GLIS1: variants seen among roughly 807,000 people sequenced by gnomAD.
GLIS1 encodes GLIS family zinc finger 1, also known as zinc finger protein GLIS1.
A neutral mutation model predicts 63.8 loss-of-function variants in GLIS1; 24 were observed. The ratio of observed to expected loss-of-function variants is 0.38; its 90% CI spans 0.27 to 0.53. The LOEUF (loss-of-function observed/expected upper bound fraction) is 0.53. Among genes scored for constraint, GLIS1 ranks in the 20% least tolerant of loss-of-function variants. The pLI, the probability that GLIS1 is intolerant of heterozygous loss-of-function variation, is 0.85. For synonymous variants in GLIS1, 450 were observed against 482.5 expected (o/e 0.93, Z 0.88); for missense variants, 1,036 against 1,074.1 (o/e 0.96, Z 0.50).
chr1:53,551,052 T>C (rs1384494315), intron 4 of GLIS1, among the ~76,000 whole-genome samples: 1 of 152,062 alleles, frequency 6.6e-6, no homozygotes, highest in Non-Finnish European at 1.5e-5. Context: ...GGTTTCACCA[T>C]GTTAGGCCGG....
At chr1:53,612,301 G>C (rs112532161) in intron 2 of GLIS1, among the ~76,000 whole-genome samples, 19 of 151,556 alleles carry the variant, frequency 1.3e-4, no homozygotes, top group African/African-American at 4.4e-4. Context: ...GTGCAGTGGC[G>C]CGATCTCGGC....
At chr1:53,627,619 T>C (rs556350660) in intron 2 of GLIS1, among the ~76,000 whole-genome samples, 5 of 152,342 alleles carry the variant, frequency 3.3e-5, no homozygotes, top group South Asian at 4.1e-4. Context: ...CCATAAATCA[T>C]GCAGACAGTC....
intron 2 of GLIS1, among the ~76,000 whole-genome samples, chr1:53,637,330 A>G (rs1250000220): frequency 6.6e-6 from 1 of 152,148 alleles, no homozygotes; most frequent in Non-Finnish European, 1.5e-5. Flanking sequence ...TTCATGTCTG[A>G]AGGAGGGTGA....
intron 6 of GLIS1, among the ~76,000 whole-genome samples, chr1:53,523,155 T>C (rs927475879): frequency 3.9e-5 from 6 of 151,922 alleles, no homozygotes; most frequent in African/African-American, 9.7e-5. Flanking sequence ...CCAGGTACAG[T>C]GCCTGAGCCT....
intron 2 of GLIS1, among the ~76,000 whole-genome samples, chr1:53,652,874 C>T (rs1252166667): frequency 6.6e-6 from 1 of 152,198 alleles, no homozygotes; most frequent in East Asian, 1.9e-4. Context: ...GCCATGTGGT[C>T]CTGGGAAAGC....
At position 53,514,575 on chromosome 1, in the gene GLIS1, C is replaced by T. The variant is rs41296167; in HGVS notation, c.1883+50G>A. The T allele has an allele frequency of 1.1e-5, 17 of 1,585,200 alleles. No individual in the cohort carries two copies. The East Asian group carries it at 1.1e-4, about 11-fold the overall frequency. On this transcript the variant is annotated intron_variant, in intron 8 of 10. Coordinates refer to ENST00000628545, the MANE Select transcript of GLIS1 (RefSeq NM_001367484.1). ...GACACCTGCTCTCCCTGCCTCCCCC[C>T]GAGATCCCCCCTTGTTGCCCCTGGA...
chr1:53,616,243 C>T (rs1369828051), intron 2 of GLIS1, among the ~76,000 whole-genome samples: 1 of 152,060 alleles, frequency 6.6e-6, no homozygotes. Context: ...GGAGCGACAG[C>T]GATGGTGACC....
At chr1:53,699,318 C>G (rs1231122513) in intron 2 of GLIS1, among the ~76,000 whole-genome samples, 1 of 152,188 alleles carries the variant, frequency 6.6e-6, no homozygotes, top group African/African-American at 2.4e-5. Context: ...CCCACCTCGG[C>G]CTCCCAAAGT....
At chr1:53,549,164 T>G (rs549510191) in intron 4 of GLIS1, among the ~76,000 whole-genome samples, 2 of 152,362 alleles carry the variant, frequency 1.3e-5, no homozygotes, top group South Asian at 4.1e-4. Context: ...ATATACCACA[T>G]TTTATCTATC....
intron 2 of GLIS1, among the ~76,000 whole-genome samples, chr1:53,612,903 C>T (rs926624719): frequency 2.0e-5 from 3 of 150,698 alleles, no homozygotes; most frequent in African/African-American, 7.3e-5. Context: ...ACAGCAAGCT[C>T]TGCCTCCCAG....
chr1:53,620,482 C>T (rs1004957103), intron 2 of GLIS1, among the ~76,000 whole-genome samples: 2 of 152,270 alleles, frequency 1.3e-5, no homozygotes, highest in African/African-American at 4.8e-5. Context: ...CTGCCAAGCA[C>T]AGGGACCCCG....
At chr1:53,673,892 C>G (rs916059151) in intron 2 of GLIS1, among the ~76,000 whole-genome samples, 1 of 152,210 alleles carries the variant, frequency 6.6e-6, no homozygotes, top group East Asian at 1.9e-4. Flanking sequence ...TCCACTGAGG[C>G]CGGGAGCGGT....
At chr1:53,700,949 C>T (rs533846219) in intron 2 of GLIS1, among the ~76,000 whole-genome samples, 22 of 152,226 alleles carry the variant, frequency 1.4e-4, no homozygotes, top group Non-Finnish European at 2.8e-4. Flanking sequence ...GATGTCAGTA[C>T]TTCATTACTT....
chr1:53,702,754 C>CTCTG (rs145794863), intron 2 of GLIS1, among the ~76,000 whole-genome samples: 37,922 of 152,112 alleles, frequency 0.25, 5,040 homozygotes, highest in African/African-American at 0.35. Context: ...CCACAGAAGA[C>CTCTG]TCTGGCCACA....
rs561946051 is a variant in GLIS1 at position 53,702,953 on chromosome 1, C to T, written c.259+34853G>A. Among the ~76,000 whole-genome samples, 3 of 152,314 alleles carry T rather than the reference C, an allele frequency of 2.0e-5. No individual in the cohort carries two copies. The East Asian group carries it at 5.8e-4, about 29-fold the overall frequency. ...CCCCCAAAAGGCCTCTGCTGAGCAC[C>T]GTGGCATCAAGGCTCTCATCTGCTC... is the stretch of plus-strand genomic sequence containing the variant. On this transcript the variant is annotated intron_variant, in intron 2 of 10. Transcript: ENST00000628545.
At chr1:53,701,176 T>C (rs554168781) in intron 2 of GLIS1, among the ~76,000 whole-genome samples, 3 of 152,332 alleles carry the variant, frequency 2.0e-5, no homozygotes, top group South Asian at 2.1e-4. Context: ...CTATGTCAAA[T>C]GGTAACCTTT....
chr1:53,557,663 G>A (rs750859860), intron 4 of GLIS1, among the ~76,000 whole-genome samples: 5 of 152,166 alleles, frequency 3.3e-5, no homozygotes, highest in African/African-American at 7.2e-5. Context: ...ACATGGTGTC[G>A]TTGAGCAGCT....
chr1:53,700,585 G>T (rs1398098407), intron 2 of GLIS1, among the ~76,000 whole-genome samples: 2 of 152,312 alleles, frequency 1.3e-5, no homozygotes, highest in Admixed American at 1.3e-4. Context: ...GTCAGATCCT[G>T]CAGGAGTTTG....
At chr1:53,638,737 C>T (rs931453592) in intron 2 of GLIS1, among the ~76,000 whole-genome samples, 1 of 152,170 alleles carries the variant, frequency 6.6e-6, no homozygotes, top group Non-Finnish European at 1.5e-5. Flanking sequence ...ACCCCCCACA[C>T]CCAGAACAAG....
Sources: gnomAD v4.1 joint callset for allele counts (sites outside exome capture counted in the v4.1 genomes callset) on GRCh38, gnomAD v4.1.1 for gene constraint, MANE v1.5 for transcripts, NCBI Gene and HGNC (gene_info 2026-07-23, HGNC 2026-07-21) for gene names.